Variants in CYP39A1 observed in about 807,000 individuals in gnomAD.
CYP39A1 encodes the protein cytochrome P450 family 39 subfamily A member 1.
CYP39A1 carries 49 observed loss-of-function variants against 58.1 expected under a neutral mutation model. The ratio of observed to expected loss-of-function variants is 0.84; its 90% CI spans 0.67 to 1.07. CYP39A1 has a LOEUF of 1.07. Among genes scored for constraint, CYP39A1 ranks in the 50% least tolerant of loss-of-function variants. CYP39A1 has a pLI of 0.00. For synonymous variants in CYP39A1, 209 were observed against 187.6 expected (o/e 1.11, Z -0.93); for missense variants, 531 against 539.4 (o/e 0.98, Z 0.16).
chr6:46,611,583 T>C (rs1774213861), intron 7 of CYP39A1, among the ~76,000 whole-genome samples: 1 of 152,228 alleles, frequency 6.6e-6, no homozygotes, highest in Non-Finnish European at 1.5e-5. Context: ...TTTGGTGTTA[T>C]TTTAAGAAGT....
chr6:46,594,182 G>T (rs547289163), intron 8 of CYP39A1, among the ~76,000 whole-genome samples: 1 of 152,026 alleles, frequency 6.6e-6, no homozygotes, highest in African/African-American at 2.4e-5. Context: ...TTTACTTAAA[G>T]TACTTGCCAT....
At chr6:46,627,192 C>T (rs1775363975) in intron 6 of CYP39A1, among the ~76,000 whole-genome samples, 1 of 152,158 alleles carries the variant, frequency 6.6e-6, no homozygotes. Context: ...CCAATCACCT[C>T]CCACCAGGTC....
At chr6:46,583,343 G>T in intron 10 of CYP39A1, 1 of 985,390 alleles carries the variant, frequency 1.0e-6, no homozygotes, top group Non-Finnish European at 1.2e-6. Flanking sequence ...AATCAAGCTT[G>T]TTGGTTTTGG....
chr6:46,637,449 G>T (rs748428979), intron 4 of CYP39A1, among the ~76,000 whole-genome samples: 14 of 152,146 alleles, frequency 9.2e-5, no homozygotes, highest in Non-Finnish European at 1.8e-4. Context: ...ATTTAACCAC[G>T]CCCATGTTTG....
chr6:46,584,141 T>G (rs527364337), intron 10 of CYP39A1, among the ~76,000 whole-genome samples: 1 of 152,312 alleles, frequency 6.6e-6, no homozygotes, highest in South Asian at 2.1e-4. Context: ...TATTTCTCTT[T>G]AGAAACAAAA....
chr6:46,597,345 G>T, intron 7 of CYP39A1, among the ~76,000 whole-genome samples: 1 of 152,028 alleles, frequency 6.6e-6, no homozygotes, highest in African/African-American at 2.4e-5. Context: ...CAGTTGACTA[G>T]TACAACATGT....
At chr6:46,559,197 A>G (rs539192603) in intron 10 of CYP39A1, among the ~76,000 whole-genome samples, 12 of 152,300 alleles carry the variant, frequency 7.9e-5, no homozygotes, top group African/African-American at 2.9e-4. Flanking sequence ...AACCATGGAC[A>G]GTCCTGCTAA....
At chr6:46,619,784 A>G (rs980827393) in intron 7 of CYP39A1, among the ~76,000 whole-genome samples, 1 of 152,156 alleles carries the variant, frequency 6.6e-6, no homozygotes, top group Non-Finnish European at 1.5e-5. Context: ...CTGCAAGAAC[A>G]TGGACTGTTA....
chr6:46,571,439 C>G (rs1194277610), intron 10 of CYP39A1, among the ~76,000 whole-genome samples: 1 of 151,980 alleles, frequency 6.6e-6, no homozygotes, highest in Non-Finnish European at 1.5e-5. Context: ...AATTGTTTTA[C>G]CCTCTTGATG....
rs764209791 is a variant in CYP39A1, at chr6:46,642,236, T to A, written c.240A>T (p.Glu80Asp). The change falls in exon 2 of 12, where the codon GAA becomes GAT. Residue 80 changes from glutamate (E) to aspartate (D), a missense_variant. Transcript: ENST00000275016. ...TGGATTTTAGAAACACATTAATTCCTTCTTCTTCAGTAACAAAGGTCATTC... is the reference window on the plus strand; with the variant it reads ...TGGATTTTAGAAACACATTAATTCCATCTTCTTCAGTAACAAAGGTCATTC... ...GNRMTFVTEEEGINVFLKSKK... is the reference protein window; with the variant it reads ...GNRMTFVTEEDGINVFLKSKK... 3.1e-6 allele frequency: 5 copies of A among 1,612,940 alleles called. No individual in the cohort carries two copies. The East Asian group carries it at 1.1e-4, about 36-fold the overall frequency.
intron 1 of CYP39A1, among the ~76,000 whole-genome samples, chr6:46,646,916 C>A (rs866129678): frequency 6.6e-6 from 1 of 152,024 alleles, no homozygotes. Flanking sequence ...ATTCAAACAT[C>A]GGTCATTGGT....
chr6:46,637,824 G>T lies in CYP39A1; in HGVS notation c.638+5C>A. The T allele has an allele frequency of 6.2e-7, 1 of 1,609,876 alleles. No homozygotes were observed. The highest frequency in any genetic ancestry group is 8.5e-7 in the Non-Finnish European group (1 of 1,179,098). On this transcript the variant is annotated splice_donor_5th_base_variant and intron_variant, in intron 4 of 11. Coordinates refer to ENST00000275016, the MANE Select transcript of CYP39A1 (RefSeq NM_016593.5). ...AATGAATTAATTATAGGAAACAACT[G>T]TTACCTTAGAAGACACTCTGGCAAC...
chr6:46,642,218 T>C lies in CYP39A1; in HGVS notation c.258A>G (p.Leu86=). 6.2e-7 allele frequency: 1 copy of C among 1,613,056 alleles called. No homozygotes were observed. Among genetic ancestry groups the C allele is most frequent in the Middle Eastern group, 1.7e-4 (1 of 6,046 alleles). ...VTEEEGINVF[L]KSKKVDFELA... is the part of the protein sequence containing the mutation. The stretch of plus-strand genomic sequence containing the variant: ...GTTCAAAATCTACTTTTTTGGATTT[T>C]AGAAACACATTAATTCCTTCTTCTT... The change falls in exon 2 of 12, where the codon CTA becomes CTG. Residue 86 remains leucine (L), a synonymous_variant. Transcript: ENST00000275016.
At chr6:46,553,722 A>G in intron 11 of CYP39A1, 45 bp downstream of exon 11, 4 of 1,322,388 alleles carry the variant, frequency 3.0e-6, no homozygotes, top group South Asian at 1.2e-5. Flanking sequence ...TGGTTATGTC[A>G]TATTTATAAG....
At chr6:46,633,638 C>T (rs576125970) in intron 5 of CYP39A1, among the ~76,000 whole-genome samples, 1 of 152,208 alleles carries the variant, frequency 6.6e-6, no homozygotes, top group Admixed American at 6.5e-5. Flanking sequence ...GCAGGTGGGT[C>T]ACGAGGTCAG....
At chr6:46,605,980 G>A (rs1018271210) in intron 7 of CYP39A1, among the ~76,000 whole-genome samples, 2 of 152,072 alleles carry the variant, frequency 1.3e-5, no homozygotes, top group African/African-American at 4.8e-5. Flanking sequence ...AGGATAGGTG[G>A]CAACTACGGT....
In CYP39A1 at chr6:46,597,271, A is replaced by G. The variant is rs759476710; in HGVS notation, c.932-1151T>C. 2.3e-4 allele frequency among the ~76,000 whole-genome samples: 35 copies of G among 152,132 alleles called. 1 individual carries two copies. Among genetic ancestry groups the G allele is most frequent in the Admixed American group, 3.9e-4 (6 of 15,250 alleles). ...TGAGACAGGCTGTACCAGTATTACA[A>G]TAACTAAGGCGCAGCTCTTGCTTGC... On this transcript the variant is annotated intron_variant, in intron 7 of 11. Transcript: ENST00000275016.
intron 1 of CYP39A1, among the ~76,000 whole-genome samples, chr6:46,643,369 G>A (rs184073048): frequency 2.0e-5 from 3 of 152,152 alleles, no homozygotes; most frequent in Admixed American, 2.0e-4. Context: ...CCCAAGAGAT[G>A]ACACATGATT....
At chr6:46,558,648 G>A (rs1226770752) in intron 10 of CYP39A1, among the ~76,000 whole-genome samples, 1 of 152,070 alleles carries the variant, frequency 6.6e-6, no homozygotes, top group East Asian at 1.9e-4. Flanking sequence ...AGTAATCTGG[G>A]GGTAAATATT....
Sources: gnomAD v4.1 joint callset for allele counts (sites outside exome capture counted in the v4.1 genomes callset) on GRCh38, gnomAD v4.1.1 for gene constraint, MANE v1.5 for transcripts, NCBI Gene and HGNC (gene_info 2026-07-23, HGNC 2026-07-21) for gene names.